TRHDE: variants seen among roughly 807,000 people sequenced by gnomAD.
TRHDE encodes thyrotropin-releasing hormone-degrading ectoenzyme.
A neutral mutation model predicts 125.7 loss-of-function variants in TRHDE; 72 were observed. That is an observed-to-expected ratio of 0.57 (90% confidence interval 0.47 to 0.70). The LOEUF is 0.70. TRHDE is among the 30% of genes least tolerant of loss of function. The probability of loss-of-function intolerance (pLI) is 0.00; values close to 1 mark genes in which losing one functional copy is unlikely to be tolerated. For synonymous variants in TRHDE, 509 were observed against 509.1 expected, an observed-to-expected ratio of 1.00 and a Z score of 0.00; for missense variants, 1,110 against 1,327.1, an observed-to-expected ratio of 0.84 and a Z score of 2.54.
chr12:72,367,752 G>C (rs922624336), intron 2 of TRHDE, among the ~76,000 whole-genome samples: 5 of 152,094 alleles, frequency 3.3e-5, no homozygotes, highest in Admixed American at 6.5e-5. Context: ...AGTGCATTGT[G>C]GTTTTGGAAT....
intron 2 of TRHDE, among the ~76,000 whole-genome samples, chr12:72,212,925 C>T (rs988603035): frequency 8.6e-5 from 13 of 152,006 alleles, no homozygotes; most frequent in African/African-American, 3.1e-4. Context: ...AAAGTAAAAA[C>T]AATTCAAATG....
chr12:72,534,002 C>A (rs1003029184), intron 6 of TRHDE, among the ~76,000 whole-genome samples: 9 of 152,098 alleles, frequency 5.9e-5, no homozygotes, highest in African/African-American at 2.2e-4. Flanking sequence ...TGCTGAATTT[C>A]ATGGCAGAGG....
chr12:72,154,528 G>A (rs1235030324), intron 2 of TRHDE, among the ~76,000 whole-genome samples: 1 of 152,220 alleles, frequency 6.6e-6, no homozygotes, highest in African/African-American at 2.4e-5. Context: ...TGCAGTGGCT[G>A]ATACTGGTTT....
intron 6 of TRHDE, among the ~76,000 whole-genome samples, chr12:72,530,390 ACTTT>A: frequency 8.5e-6 from 1 of 117,970 alleles, no homozygotes; most frequent in East Asian, 2.9e-4. Flanking sequence ...CGTTTGAAAC[ACTTT>A]CTTCATTTTG....
chr12:72,636,152 A>G (rs1164610285), intron 15 of TRHDE, among the ~76,000 whole-genome samples: 2 of 151,984 alleles, frequency 1.3e-5, no homozygotes, highest in African/African-American at 4.8e-5. Context: ...ATGTTCTTCC[A>G]TGTGTTTGTA....
intron 12 of TRHDE, among the ~76,000 whole-genome samples, chr12:72,599,079 C>T (rs1348054468): frequency 6.6e-6 from 1 of 152,066 alleles, no homozygotes; most frequent in Non-Finnish European, 1.5e-5. Context: ...TTTATGGCTG[C>T]ATAGTATTCC....
At chr12:72,443,351 A>G (rs1156295997) in intron 3 of TRHDE, among the ~76,000 whole-genome samples, 1 of 151,612 alleles carries the variant, frequency 6.6e-6, no homozygotes, top group African/African-American at 2.4e-5. Flanking sequence ...TTTGTGTTCC[A>G]TGATTGAATT....
intron 15 of TRHDE, among the ~76,000 whole-genome samples, chr12:72,650,256 G>A (rs1334169311): frequency 6.6e-6 from 1 of 152,064 alleles, no homozygotes; most frequent in Non-Finnish European, 1.5e-5. Flanking sequence ...AGGACTTTAT[G>A]CTCAGTGAAA....
intron 2 of TRHDE, among the ~76,000 whole-genome samples, chr12:72,178,063 A>T (rs1251509826): frequency 6.6e-6 from 1 of 152,144 alleles, no homozygotes; most frequent in East Asian, 1.9e-4. Flanking sequence ...AGTTTCTATG[A>T]TATTGAGCAC....
intron 2 of TRHDE, among the ~76,000 whole-genome samples, chr12:72,348,516 T>C (rs1344945726): frequency 6.6e-6 from 1 of 152,012 alleles, no homozygotes; most frequent in Non-Finnish European, 1.5e-5. Context: ...AAAAGATTAT[T>C]CTAGAAGCTG....
chr12:72,463,756 T>A (rs1300356526), intron 3 of TRHDE, among the ~76,000 whole-genome samples: 1 of 152,216 alleles, frequency 6.6e-6, no homozygotes, highest in East Asian at 1.9e-4. Context: ...AGAGAACTGT[T>A]ATTGCACACA....
chr12:72,610,932 C>T (rs916545237), intron 12 of TRHDE: 1 of 152,814 alleles, frequency 6.5e-6, no homozygotes, highest in Non-Finnish European at 1.5e-5. Context: ...AAGAACTGGA[C>T]CAACCAAGAG....
intron 2 of TRHDE, among the ~76,000 whole-genome samples, chr12:72,150,625 A>T (rs1363015206): frequency 7.2e-6 from 1 of 138,726 alleles, no homozygotes; most frequent in African/African-American, 2.7e-5. Flanking sequence ...TTCAATTCCC[A>T]CCTATGAATG....
chr12:72,395,172 T>C (rs1386002263), intron 3 of TRHDE, among the ~76,000 whole-genome samples: 1 of 152,180 alleles, frequency 6.6e-6, no homozygotes, highest in Admixed American at 6.5e-5. Flanking sequence ...TTTTGTATCC[T>C]TTGACCAACG....
intron 8 of TRHDE, 78 bp downstream of exon 8, chr12:72,562,308 A>T: frequency 1.4e-6 from 1 of 694,454 alleles, no homozygotes; most frequent in Admixed American, 2.5e-5. Flanking sequence ...CATAGCCTTT[A>T]TTGACACCTG....
chr12:72,572,970 T>G (rs999077775), intron 10 of TRHDE, among the ~76,000 whole-genome samples: 2 of 151,972 alleles, frequency 1.3e-5, no homozygotes, highest in African/African-American at 4.8e-5. Flanking sequence ...GTTTATATAT[T>G]AAACTTGGTG....
chr12:72,621,893 A>G, intron 15 of TRHDE, 142 bp downstream of exon 15: 2 of 621,902 alleles, frequency 3.2e-6, no homozygotes, highest in Non-Finnish European at 2.7e-6. Flanking sequence ...TCAGGTTCAC[A>G]GCTTCCAAGG....
intron 1 of TRHDE, among the ~76,000 whole-genome samples, chr12:72,096,960 A>G (rs749134991): frequency 6.6e-5 from 10 of 152,180 alleles, no homozygotes; most frequent in Non-Finnish European, 1.0e-4. Context: ...AGTGCTAACA[A>G]AACTCCTGGG....
intron 2 of TRHDE, chr12:72,186,094 T>C (rs116181628): frequency 0.038 from 5,743 of 152,434 alleles, 141 homozygotes; most frequent in African/African-American, 0.064. Flanking sequence ...TGACAACCAG[T>C]TGGGGTCCCC....
Sources: gnomAD v4.1 joint callset for allele counts (sites outside exome capture counted in the v4.1 genomes callset) on GRCh38, gnomAD v4.1.1 for gene constraint, MANE v1.5 for transcripts, NCBI Gene and HGNC (gene_info 2026-07-23, HGNC 2026-07-21) for gene names.